KCNMA1: variants seen among roughly 807,000 people sequenced by gnomAD.
KCNMA1 encodes potassium calcium-activated channel subfamily M alpha 1, also known as Calcium-activated potassium channel subunit alpha-1.
KCNMA1 carries 29 observed loss-of-function variants against 140.0 expected under a neutral mutation model. The ratio of observed to expected loss-of-function variants is 0.21; its 90% CI spans 0.15 to 0.28. KCNMA1 has a LOEUF of 0.28. KCNMA1 is among the 10% of genes least tolerant of loss of function. The probability of loss-of-function intolerance (pLI) is 1.00; values close to 1 mark genes in which losing one functional copy is unlikely to be tolerated. For synonymous variants in KCNMA1, 612 were observed against 611.9 expected, an observed-to-expected ratio of 1.00 and a Z score of 0.00; for missense variants, 880 against 1,602.2, an observed-to-expected ratio of 0.55 and a Z score of 7.70.
chr10:77,185,560 C>T (rs1307254941), intron 3 of KCNMA1, among the ~76,000 whole-genome samples: 1 of 151,622 alleles, frequency 6.6e-6, no homozygotes, highest in Non-Finnish European at 1.5e-5. Flanking sequence ...AAATTCAGAC[C>T]ATTAAACCAA....
intron 25 of KCNMA1, 110 bp downstream of exon 25, chr10:76,909,856 G>A: frequency 8.8e-7 from 1 of 1,142,288 alleles, no homozygotes; most frequent in South Asian, 1.3e-5. Flanking sequence ...GCTTCTAGGA[G>A]TCTTGCTCTC....
intron 1 of KCNMA1, among the ~76,000 whole-genome samples, chr10:77,613,573 C>T (rs975406054): frequency 1.3e-5 from 2 of 152,162 alleles, no homozygotes; most frequent in Admixed American, 6.5e-5. Context: ...CTGGTGTACA[C>T]GGAGGGGTTA....
At chr10:77,610,906 A>G (rs1320745887) in intron 1 of KCNMA1, among the ~76,000 whole-genome samples, 1 of 152,270 alleles carries the variant, frequency 6.6e-6, no homozygotes, top group East Asian at 1.9e-4. Flanking sequence ...CACTTATTGA[A>G]AAATGCCATG....
At chr10:77,565,324 C>T (rs915549166) in intron 1 of KCNMA1, among the ~76,000 whole-genome samples, 4 of 152,158 alleles carry the variant, frequency 2.6e-5, no homozygotes, top group East Asian at 1.9e-4. Context: ...GATGCAGCAG[C>T]GGGCGGGGAA....
rs551925241 is a variant in KCNMA1, at chr10:77,109,866, T to G, written c.1131+307A>C. 2.0e-5 allele frequency among the ~76,000 whole-genome samples: 3 copies of G among 152,280 alleles called. No individual in the cohort carries two copies. The East Asian group carries it at 5.8e-4, about 29-fold the overall frequency. On this transcript the variant is annotated intron_variant, in intron 8 of 27. Coordinates refer to ENST00000286628, the MANE Select transcript of KCNMA1 (RefSeq NM_001161352.2). ...CCTTGTAGCATACCAGATGCTGAGT[T>G]ACATTGCTAAGGGGTAGACACTCTC...
At chr10:77,273,220 G>C (rs184908662) in intron 2 of KCNMA1, among the ~76,000 whole-genome samples, 1 of 151,928 alleles carries the variant, frequency 6.6e-6, no homozygotes, top group African/African-American at 2.4e-5. Context: ...CTTTCCTCCT[G>C]CCTCTCTCTT....
chr10:77,531,335 G>A (rs1380853480), intron 1 of KCNMA1, among the ~76,000 whole-genome samples: 1 of 152,188 alleles, frequency 6.6e-6, no homozygotes, highest in Non-Finnish European at 1.5e-5. Context: ...AATCTGAAAT[G>A]AGAGTAATTC....
At chr10:76,889,335 A>G (rs999821711) in intron 27 of KCNMA1, 116 bp downstream of exon 27, 1 of 747,926 alleles carries the variant, frequency 1.3e-6, no homozygotes, top group Admixed American at 1.9e-5. Context: ...ATATGGGCAG[A>G]GTAATTTGCA....
chr10:77,584,245 G>A (rs544255093), intron 1 of KCNMA1, among the ~76,000 whole-genome samples: 8 of 152,144 alleles, frequency 5.3e-5, no homozygotes, highest in Non-Finnish European at 1.0e-4. Context: ...CTACCCACTC[G>A]TCCTCCCCTA....
At chr10:76,953,134 C>T (rs1336506546) in intron 21 of KCNMA1, among the ~76,000 whole-genome samples, 1 of 152,082 alleles carries the variant, frequency 6.6e-6, no homozygotes, top group Non-Finnish European at 1.5e-5. Context: ...GGCTCTGAGC[C>T]CCAGCCTCCC....
intron 1 of KCNMA1, among the ~76,000 whole-genome samples, chr10:77,547,727 C>T (rs2061771224): frequency 6.6e-6 from 1 of 152,166 alleles, no homozygotes; most frequent in African/African-American, 2.4e-5. Context: ...TTTTATTTCT[C>T]TTGGATTATC....
intron 1 of KCNMA1, among the ~76,000 whole-genome samples, chr10:77,617,396 C>T (rs1381583682): frequency 6.6e-6 from 1 of 152,202 alleles, no homozygotes; most frequent in Non-Finnish European, 1.5e-5. Context: ...CAATTCACCA[C>T]CCCTGAATTA....
At chr10:77,025,449 T>C in intron 16 of KCNMA1, 2 of 1,603,166 alleles carry the variant, frequency 1.2e-6, no homozygotes, top group Non-Finnish European at 1.7e-6. Flanking sequence ...TGCATACCGC[T>C]TTCGGCTTCT....
chr10:77,568,220 C>T (rs1460208350), intron 1 of KCNMA1, among the ~76,000 whole-genome samples: 3 of 152,128 alleles, frequency 2.0e-5, no homozygotes, highest in Non-Finnish European at 2.9e-5. Flanking sequence ...GGGAATCCTC[C>T]CTAACTCATT....
intron 19 of KCNMA1, among the ~76,000 whole-genome samples, chr10:76,987,650 A>C (rs2081635322): frequency 6.6e-6 from 1 of 152,234 alleles, no homozygotes; most frequent in African/African-American, 2.4e-5. Flanking sequence ...GGTAAGTTTT[A>C]ATCTGCTAGA....
At chr10:77,451,257 G>T (rs1275263834) in intron 1 of KCNMA1, among the ~76,000 whole-genome samples, 7 of 152,116 alleles carry the variant, frequency 4.6e-5, no homozygotes, top group Admixed American at 1.3e-4. Context: ...ATTAAACAGG[G>T]GGAGAATCTT....
intron 1 of KCNMA1, among the ~76,000 whole-genome samples, chr10:77,581,368 G>A (rs938747604): frequency 6.6e-6 from 1 of 151,962 alleles, no homozygotes; most frequent in Non-Finnish European, 1.5e-5. Context: ...GAGTGCAGTG[G>A]CGTGATCTCG....
chr10:76,958,635 A>C (rs12783439), intron 20 of KCNMA1, among the ~76,000 whole-genome samples: 1 of 152,204 alleles, frequency 6.6e-6, no homozygotes, highest in Non-Finnish European at 1.5e-5. Context: ...TGTCCTTACA[A>C]GAAGAGGAAA....
At chr10:77,380,216 A>T (rs182182122) in intron 2 of KCNMA1, among the ~76,000 whole-genome samples, 4 of 152,326 alleles carry the variant, frequency 2.6e-5, no homozygotes, top group African/African-American at 9.6e-5. Context: ...CACCCTCTTC[A>T]CATGGTGGGT....
Sources: allele counts gnomAD v4.1 joint callset (sites outside exome capture counted in the v4.1 genomes callset), GRCh38; gene constraint gnomAD v4.1.1; transcripts MANE v1.5; gene names NCBI Gene and HGNC (gene_info 2026-07-23, HGNC 2026-07-21).